The following PDE4B variants were observed in gnomAD, a reference collection of about 807,000 sequenced individuals.
The protein encoded by PDE4B is phosphodiesterase 4B.
In PDE4B, 20 loss-of-function variants were observed where a neutral mutation model predicts 82.2. The observed-to-expected ratio is 0.24, with a 90% CI of 0.17 to 0.35. The LOEUF is 0.35. Among genes scored for constraint, PDE4B ranks in the 10% least tolerant of loss-of-function variants. The pLI, the probability that PDE4B is intolerant of heterozygous loss-of-function variation, is 1.00. For synonymous variants in PDE4B, 320 were observed against 318.9 expected (o/e 1.00, Z -0.04); for missense variants, 655 against 907.2 (o/e 0.72, Z 3.57).
At chr1:66,355,083 A>C (rs1662132131) in intron 8 of PDE4B, 2 of 466,940 alleles carry the variant, frequency 4.3e-6, no homozygotes, top group East Asian at 6.7e-5. Context: ...CTGTGTTTTA[A>C]TCCTGTTCTT....
chr1:65,921,757 C>A (rs1647256931), intron 3 of PDE4B, among the ~76,000 whole-genome samples: 1 of 152,184 alleles, frequency 6.6e-6, no homozygotes, highest in Non-Finnish European at 1.5e-5. Context: ...TTTGAAAAGT[C>A]TCCCTTAGAA....
chr1:66,218,720 T>G (rs979216319), intron 3 of PDE4B, among the ~76,000 whole-genome samples: 2 of 152,262 alleles, frequency 1.3e-5, no homozygotes, highest in South Asian at 4.1e-4. Context: ...CTTGTACATA[T>G]GCTATTCTAC....
At chr1:66,272,509 A>G (rs1351767511) in intron 7 of PDE4B, among the ~76,000 whole-genome samples, 1 of 152,162 alleles carries the variant, frequency 6.6e-6, no homozygotes, top group East Asian at 1.9e-4. Context: ...GGAGACCCAA[A>G]TTCATTCACC....
rs986681262 is a variant in PDE4B at position 65,918,680 on chromosome 1, G to A, written c.126G>A (p.Gly42=). 9.3e-6 allele frequency: 15 copies of A among 1,613,684 alleles called. No homozygotes were observed. In the African/African-American group the frequency reaches 1.9e-4, roughly 20 times the overall value. ...CACTTGGGATCGACCTCTGGAGAGG[G>A]AGAAGGTGTTGCTCAGGAAACTTAC... ...SNTLGIDLWR[G]RRCCSGNLQL... The change falls in exon 3 of 17, where the codon GGG becomes GGA. Residue 42 remains glycine (G), a synonymous_variant. Transcript: ENST00000341517.
At chr1:65,884,692 C>T (rs1646751667) in intron 1 of PDE4B, among the ~76,000 whole-genome samples, 1 of 152,154 alleles carries the variant, frequency 6.6e-6, no homozygotes, top group Non-Finnish European at 1.5e-5. Flanking sequence ...TTCCTTACAC[C>T]TTATACAAAA....
At chr1:65,884,705 T>C (rs551027115) in intron 1 of PDE4B, among the ~76,000 whole-genome samples, 4 of 152,134 alleles carry the variant, frequency 2.6e-5, no homozygotes, top group Non-Finnish European at 5.9e-5. Flanking sequence ...ATACAAAAAT[T>C]AATTCAAGAT....
At chr1:66,057,787 TACA>T (rs1655379525) in intron 3 of PDE4B, among the ~76,000 whole-genome samples, 1 of 152,136 alleles carries the variant, frequency 6.6e-6, no homozygotes, top group African/African-American at 2.4e-5. Flanking sequence ...GGGTCCCTCC[TACA>T]ACATGTGGGA....
intron 3 of PDE4B, among the ~76,000 whole-genome samples, chr1:66,043,647 A>G (rs767437024): frequency 1.3e-4 from 19 of 151,770 alleles, no homozygotes; most frequent in Non-Finnish European, 2.5e-4. Flanking sequence ...CAACGAAACC[A>G]TGAAAGTCAA....
intron 3 of PDE4B, among the ~76,000 whole-genome samples, chr1:66,187,190 A>G (rs1460970087): frequency 1.3e-5 from 2 of 152,024 alleles, no homozygotes; most frequent in Non-Finnish European, 2.9e-5. Context: ...AGCCCACTTG[A>G]TCATGGTGGA....
chr1:66,068,964 A>G (rs941722318), intron 3 of PDE4B, among the ~76,000 whole-genome samples: 2 of 152,054 alleles, frequency 1.3e-5, no homozygotes, highest in African/African-American at 4.8e-5. Flanking sequence ...TTGTCTTCAT[A>G]AAGTCCTGAA....
intron 7 of PDE4B, among the ~76,000 whole-genome samples, chr1:66,302,297 G>T (rs546752033): frequency 6.6e-6 from 1 of 152,244 alleles, no homozygotes; most frequent in Admixed American, 6.5e-5. Context: ...TTATAAAAAA[G>T]AACCACAGAT....
chr1:65,991,408 T>A (rs1651235698), intron 3 of PDE4B, among the ~76,000 whole-genome samples: 1 of 152,110 alleles, frequency 6.6e-6, no homozygotes, highest in African/African-American at 2.4e-5. Flanking sequence ...GTAGAAGACA[T>A]CTCTCACATC....
chr1:66,116,172 C>T lies in PDE4B; in HGVS notation c.282-131288C>T, dbSNP rs79619648. Among the ~76,000 whole-genome samples, 546 of 150,658 alleles carry T rather than the reference C, an allele frequency of 3.6e-3. 5 individuals are homozygous for T. The highest frequency in any genetic ancestry group is 0.013 in the African/African-American group (516 of 40,920). ...TGATGTTCACTTGCATGGGCATGCC[C>T]GGATTTTGAAAACCTTGTCAAATTA... On this transcript the variant is annotated intron_variant, in intron 3 of 16. Transcript: ENST00000341517.
chr1:65,813,590 A>G (rs950686429), intron 1 of PDE4B, among the ~76,000 whole-genome samples: 4 of 152,198 alleles, frequency 2.6e-5, no homozygotes, highest in African/African-American at 9.7e-5. Context: ...TCAAAATAGT[A>G]TGAAAAATGT....
At chr1:65,907,275 G>C (rs1476257228) in intron 1 of PDE4B, among the ~76,000 whole-genome samples, 1 of 152,032 alleles carries the variant, frequency 6.6e-6, no homozygotes, top group Non-Finnish European at 1.5e-5. Flanking sequence ...AAATTAAGGG[G>C]GAAAGTCTAA....
intron 3 of PDE4B, among the ~76,000 whole-genome samples, chr1:65,924,369 C>G (rs926057423): frequency 6.6e-6 from 1 of 151,718 alleles, no homozygotes. Flanking sequence ...CCACCGCGCC[C>G]GGCCGCTAAT....
At chr1:65,937,351 G>A (rs1648208505) in intron 3 of PDE4B, among the ~76,000 whole-genome samples, 1 of 152,148 alleles carries the variant, frequency 6.6e-6, no homozygotes, top group South Asian at 2.1e-4. Flanking sequence ...CTGAGGTGGG[G>A]GCTCTGAAAC....
chr1:65,836,719 C>G (rs1469352876), intron 1 of PDE4B, among the ~76,000 whole-genome samples: 1 of 152,096 alleles, frequency 6.6e-6, no homozygotes, highest in Non-Finnish European at 1.5e-5. Flanking sequence ...CTTTCTCCAT[C>G]TTTATCTCTG....
chr1:66,320,301 G>C (rs955669434), intron 7 of PDE4B, among the ~76,000 whole-genome samples: 2 of 152,118 alleles, frequency 1.3e-5, no homozygotes, highest in African/African-American at 2.4e-5. Context: ...CTTGCAACAA[G>C]ATGCCTGAAT....
Sources: allele counts gnomAD v4.1 joint callset (sites outside exome capture counted in the v4.1 genomes callset), GRCh38; gene constraint gnomAD v4.1.1; transcripts MANE v1.5; gene names NCBI Gene and HGNC (gene_info 2026-07-23, HGNC 2026-07-21).